The following RTN1 variants were observed in gnomAD, a reference collection of about 807,000 sequenced individuals.
RTN1 encodes reticulon-1.
In RTN1, 25 loss-of-function variants were observed where a neutral mutation model predicts 65.5. That is an observed-to-expected ratio of 0.38 (90% confidence interval 0.28 to 0.53). The LOEUF is 0.53. RTN1 is among the 20% of genes least tolerant of loss of function. The pLI is 0.79. For synonymous variants in RTN1, 471 were observed against 447.6 expected (o/e 1.05, Z -0.66); for missense variants, 983 against 1,025.4 (o/e 0.96, Z 0.57).
At chr14:59,686,965 C>T (rs1029242787) in intron 3 of RTN1, among the ~76,000 whole-genome samples, 1 of 152,202 alleles carries the variant, frequency 6.6e-6, no homozygotes, top group Non-Finnish European at 1.5e-5. Context: ...GACTGAAGTG[C>T]CTGCTCTGGA....
At chr14:59,809,922 A>C (rs1428138257) in intron 1 of RTN1, among the ~76,000 whole-genome samples, 1 of 152,196 alleles carries the variant, frequency 6.6e-6, no homozygotes, top group Non-Finnish European at 1.5e-5. Context: ...TGAAATAAGC[A>C]CTTTTAAATT....
intron 8 of RTN1, among the ~76,000 whole-genome samples, chr14:59,598,732 T>C (rs1278028212): frequency 1.3e-5 from 2 of 152,204 alleles, no homozygotes; most frequent in Non-Finnish European, 2.9e-5. Flanking sequence ...ATCTCAGAAC[T>C]TCTAAAATTT....
In RTN1 at chr14:59,610,157, T is replaced by G. The variant is rs767197015; in HGVS notation, c.1766-2665A>C. On this transcript the variant is annotated intron_variant, in intron 3 of 8. Coordinates refer to ENST00000267484, the MANE Select transcript of RTN1 (RefSeq NM_021136.3). The stretch of plus-strand genomic sequence containing the variant: ...TGGCATGCCCTCTAGGGAAGCCTCC[T>G]AAATCTCCAACCAGGAGGCCACCTG... The G allele has an allele frequency of 9.1e-6, 7 of 772,232 alleles. 1 individual carries two copies. In the South Asian group the frequency reaches 9.6e-5, roughly 11 times the overall value. 47.8% of individuals were successfully genotyped at this position (772,232 alleles called of 1,614,324 possible). A position where few individuals can be genotyped will look rare whatever the true frequency, so the allele number is the denominator to read the frequency against.
chr14:59,734,973 A>G (rs753000091), intron 2 of RTN1, among the ~76,000 whole-genome samples: 3 of 152,164 alleles, frequency 2.0e-5, no homozygotes, highest in Non-Finnish European at 4.4e-5. Flanking sequence ...AAAAATGTTA[A>G]GGGCAGCCAC....
chr14:59,702,376 C>T (rs937322794), intron 3 of RTN1, among the ~76,000 whole-genome samples: 2 of 152,166 alleles, frequency 1.3e-5, no homozygotes, highest in African/African-American at 2.4e-5. Flanking sequence ...CTTATGATTG[C>T]TTATTTGGCT....
At chr14:59,632,771 T>C (rs1403692403) in intron 3 of RTN1, among the ~76,000 whole-genome samples, 4 of 152,114 alleles carry the variant, frequency 2.6e-5, no homozygotes, top group Non-Finnish European at 4.4e-5. Flanking sequence ...TAGGTCAGAC[T>C]TTCTGGGCCA....
In RTN1 at chr14:59,825,917, G is replaced by C. The variant is rs1482623436; in HGVS notation, c.241+44473C>G. Among the ~76,000 whole-genome samples the C allele has an allele frequency of 2.0e-5, 3 of 152,174 alleles. No individual in the cohort carries two copies. In the East Asian group the frequency reaches 5.8e-4, roughly 29 times the overall value. Reference sequence around the variant, plus strand: ...TGTGAGGAGGGACCTAACAGTTTGTGGTACCCATTCCCAGTACCCTAGTTC... The same window carrying C: ...TGTGAGGAGGGACCTAACAGTTTGTCGTACCCATTCCCAGTACCCTAGTTC... On this transcript the variant is annotated intron_variant, in intron 1 of 8. Transcript: ENST00000267484. This position sits in a 1 kb window ranked among gnomAD's most constrained non-coding sequence, Gnocchi z 4.2.
At chr14:59,610,202 G>A in intron 3 of RTN1, 1 of 741,608 alleles carries the variant, frequency 1.3e-6, no homozygotes, top group South Asian at 1.5e-5. Context: ...TCTGTGAATG[G>A]CAGGCACTTC....
chr14:59,642,905 G>C (rs1362239478), intron 3 of RTN1, among the ~76,000 whole-genome samples: 3 of 152,192 alleles, frequency 2.0e-5, no homozygotes, highest in African/African-American at 7.2e-5. Context: ...AAGACTGACA[G>C]TTGATGCTAT....
chr14:59,739,687 G>T (rs1394074023), intron 2 of RTN1, among the ~76,000 whole-genome samples: 1 of 152,080 alleles, frequency 6.6e-6, no homozygotes, highest in African/African-American at 2.4e-5. Context: ...AGAAAAGAGA[G>T]AAATCATTGA....
intron 3 of RTN1, among the ~76,000 whole-genome samples, chr14:59,672,826 G>A (rs2140216056): frequency 6.7e-6 from 1 of 149,706 alleles, no homozygotes; most frequent in South Asian, 2.1e-4. Flanking sequence ...ATTTTTAGTA[G>A]AGACGGGGTT....
intron 3 of RTN1, among the ~76,000 whole-genome samples, chr14:59,701,505 A>G (rs1181593489): frequency 6.6e-6 from 1 of 152,204 alleles, no homozygotes; most frequent in Non-Finnish European, 1.5e-5. Flanking sequence ...GGAAGGAAGT[A>G]CTGATACATG....
In RTN1 at chr14:59,727,165, C is replaced by T. The variant is rs769297732; in HGVS notation, c.1519G>A (p.Glu507Lys). The T allele has an allele frequency of 2.5e-6, 4 of 1,591,848 alleles. No homozygotes were observed. Among genetic ancestry groups the T allele is most frequent in the South Asian group, 1.1e-5 (1 of 88,268 alleles). The change falls in exon 3 of 9, where the codon GAG becomes AAG. Residue 507 changes from glutamate (E) to lysine (K), a missense_variant. Physicochemically the swap from Glu to Lys is moderately conservative, Grantham distance 56 (BLOSUM62 1). Around this residue, in one of 2 missense-constraint regions of RTN1, gnomAD observed 818 missense variants for 801.8 expected, o/e 1.02. Coordinates refer to ENST00000267484, the MANE Select transcript of RTN1 (RefSeq NM_021136.3). The surrounding 1 kb of genome is among the most constrained non-coding windows in gnomAD (Gnocchi z 4.2). ...AIREETGVRA[E>K]ERAPSRRGLA... ...CCCCGCCGGCTTGGCGCACGCTCCT[C>T]GGCCCGGACGCCAGTCTCCTCCCGG... is the stretch of plus-strand genomic sequence containing the variant.
At chr14:59,741,429 T>C (rs1885115230) in intron 2 of RTN1, among the ~76,000 whole-genome samples, 1 of 152,228 alleles carries the variant, frequency 6.6e-6, no homozygotes, top group South Asian at 2.1e-4. Flanking sequence ...TTATATTATA[T>C]ATTTGGTTAT....
At chr14:59,620,313 A>C (rs1269000351) in intron 3 of RTN1, among the ~76,000 whole-genome samples, 2 of 152,142 alleles carry the variant, frequency 1.3e-5, no homozygotes, top group African/African-American at 4.8e-5. Flanking sequence ...CCTGAGACTA[A>C]GTAGATTAAG....
chr14:59,663,108 C>T (rs750447773), intron 3 of RTN1, among the ~76,000 whole-genome samples: 1 of 152,064 alleles, frequency 6.6e-6, no homozygotes, highest in Admixed American at 6.6e-5. Context: ...TCAGAAATAA[C>T]ACCGCACATC....
intron 1 of RTN1, among the ~76,000 whole-genome samples, chr14:59,749,094 ATATATATC>A (rs1220608251): frequency 1.2e-5 from 1 of 83,316 alleles, no homozygotes; most frequent in Non-Finnish European, 2.0e-5. Context: ...GGGCATCTAT[ATATATATC>A]TATATATATA....
chr14:59,625,954 C>T (rs1882385988), intron 3 of RTN1, among the ~76,000 whole-genome samples: 1 of 152,128 alleles, frequency 6.6e-6, no homozygotes. Flanking sequence ...CCAGCTAAGG[C>T]AGTTTTCCCA....
Position 59,816,232 on chromosome 14 carries a change from C to G in RTN1, c.241+54158G>C, listed in dbSNP as rs1272514105. ...ACAAGCTTGCGTGCGTGCACACACA[C>G]AGACACACACACACACTAGTTACTC... On this transcript the variant is annotated intron_variant, in intron 1 of 8. Coordinates refer to ENST00000267484, the MANE Select transcript of RTN1 (RefSeq NM_021136.3). This position sits in a 1 kb window ranked among gnomAD's most constrained non-coding sequence, Gnocchi z 4.3. Among the ~76,000 whole-genome samples, 2 of 151,470 alleles carry G rather than the reference C, an allele frequency of 1.3e-5. No individual in the cohort carries two copies. The highest frequency in any genetic ancestry group is 2.9e-5 in the Non-Finnish European group (2 of 68,006).
Sources: gnomAD v4.1 joint callset for allele counts (sites outside exome capture counted in the v4.1 genomes callset) on GRCh38, gnomAD v4.1.1 for gene constraint, gnomAD v4.1.1 regional missense constraint, Gnocchi (gnomAD v3.1) non-coding constraint, MANE v1.5 for transcripts, NCBI Gene and HGNC (gene_info 2026-07-23, HGNC 2026-07-21) for gene names.